Variants in TENM2 observed in about 807,000 individuals in gnomAD.
TENM2 encodes teneurin-2.
TENM2 carries 52 observed loss-of-function variants against 245.2 expected under a neutral mutation model. The observed-to-expected ratio is 0.21, with a 90% CI of 0.17 to 0.27. The LOEUF (loss-of-function observed/expected upper bound fraction) is 0.27. Among genes scored for constraint, TENM2 ranks in the 10% least tolerant of loss-of-function variants. The pLI is 1.00. For missense variants in TENM2, 3,046 were observed against 3,666.8 expected, an observed-to-expected ratio of 0.83 and a Z score of 4.37; for synonymous variants, 1,363 against 1,438.9, an observed-to-expected ratio of 0.95 and a Z score of 1.19.
chr5:167,220,402 C>T, the TENM2 span, among the ~76,000 whole-genome samples: 32,285 of 152,090 alleles, frequency 0.21, 4,101 homozygotes, highest in African/African-American at 0.36. Context: ...TTCCACAATA[C>T]AGTAGACGAT....
chr5:167,834,616 C>CT (rs1768800397), intron 2 of TENM2, among the ~76,000 whole-genome samples: 1 of 150,246 alleles, frequency 6.7e-6, no homozygotes, highest in African/African-American at 2.5e-5. Flanking sequence ...ACTGGGCCAT[C>CT]TCACAGTTGT....
At chr5:167,345,440 C>G (rs1208271646) in intron 1 of TENM2, among the ~76,000 whole-genome samples, 3 of 152,096 alleles carry the variant, frequency 2.0e-5, no homozygotes, top group African/African-American at 7.2e-5. Context: ...ATCTGGGGAA[C>G]ATGAACAGAC....
At chr5:167,101,569 C>G in the TENM2 span, among the ~76,000 whole-genome samples, 1 of 151,848 alleles carries the variant, frequency 6.6e-6, no homozygotes, top group Non-Finnish European at 1.5e-5. Context: ...CTCTTAATCA[C>G]TCATGTGTAA....
At chr5:167,049,547 G>C in the TENM2 span, among the ~76,000 whole-genome samples, 102 of 152,210 alleles carry the variant, frequency 6.7e-4, no homozygotes, top group African/African-American at 2.4e-3. Context: ...TTAACAAGCT[G>C]TTAAGTAAAA....
intron 2 of TENM2, among the ~76,000 whole-genome samples, chr5:167,561,110 A>G (rs545381071): frequency 1.3e-5 from 2 of 152,336 alleles, no homozygotes; most frequent in African/African-American, 4.8e-5. Flanking sequence ...ACCTTGGTAT[A>G]TTCATCCTCT....
At chr5:167,598,761 A>T (rs1394515872) in intron 2 of TENM2, among the ~76,000 whole-genome samples, 3 of 151,320 alleles carry the variant, frequency 2.0e-5, no homozygotes, top group African/African-American at 7.3e-5. Flanking sequence ...TTTTTTTTTT[A>T]ATGTCGGAGG....
chr5:167,500,977 A>G (rs1293864869), intron 2 of TENM2, among the ~76,000 whole-genome samples: 3 of 152,144 alleles, frequency 2.0e-5, no homozygotes, highest in Non-Finnish European at 4.4e-5. Context: ...TTTAAAGAAC[A>G]AATTTGAGAC....
intron 2 of TENM2, among the ~76,000 whole-genome samples, chr5:167,782,704 G>T (rs1661915536): frequency 6.6e-6 from 1 of 152,170 alleles, no homozygotes; most frequent in Non-Finnish European, 1.5e-5. Flanking sequence ...GAGACAAAAA[G>T]TCCCCTTAGC....
chr5:167,985,373 C>T (rs549729404), intron 4 of TENM2, among the ~76,000 whole-genome samples: 70 of 152,314 alleles, frequency 4.6e-4, no homozygotes, highest in Admixed American at 3.3e-3. Context: ...TCAATTTTCT[C>T]GGTAGAACAA....
At chr5:167,353,578 G>A (rs1759103654) in intron 1 of TENM2, among the ~76,000 whole-genome samples, 1 of 138,602 alleles carries the variant, frequency 7.2e-6, no homozygotes. Context: ...CGGGATCTCG[G>A]CTCACTGCAA....
chr5:168,188,298 G>A (rs931793095), intron 13 of TENM2, among the ~76,000 whole-genome samples: 5 of 152,214 alleles, frequency 3.3e-5, no homozygotes, highest in African/African-American at 2.4e-5. Flanking sequence ...GGGTTTGAGT[G>A]CGTGTTTCCA....
At chr5:167,459,114 A>G (rs1012403558) in intron 2 of TENM2, among the ~76,000 whole-genome samples, 5 of 152,172 alleles carry the variant, frequency 3.3e-5, no homozygotes, top group Non-Finnish European at 7.4e-5. Context: ...ATCTTGAAAA[A>G]CAAGCCCTTC....
intron 2 of TENM2, among the ~76,000 whole-genome samples, chr5:167,387,384 G>T (rs1289370386): frequency 1.3e-5 from 2 of 152,112 alleles, no homozygotes; most frequent in East Asian, 3.9e-4. Context: ...CGGAAAGTTT[G>T]TTGAATTCTT....
At chr5:167,764,311 G>A (rs962106721) in intron 2 of TENM2, among the ~76,000 whole-genome samples, 1 of 152,032 alleles carries the variant, frequency 6.6e-6, no homozygotes, top group Non-Finnish European at 1.5e-5. Context: ...AGTTAAGTAA[G>A]GTTCCTCATC....
At chr5:167,600,572 A>G (rs1051805916) in intron 2 of TENM2, among the ~76,000 whole-genome samples, 11 of 152,134 alleles carry the variant, frequency 7.2e-5, no homozygotes, top group Admixed American at 3.9e-4. Context: ...AAGTGATTAT[A>G]TGTGGTGTTC....
chr5:167,890,344 C>T (rs931616971), intron 3 of TENM2, among the ~76,000 whole-genome samples: 1 of 151,952 alleles, frequency 6.6e-6, no homozygotes, highest in Non-Finnish European at 1.5e-5. Flanking sequence ...AAGCTGTTGC[C>T]CCTTTCTGGA....
intron 1 of TENM2, among the ~76,000 whole-genome samples, chr5:167,304,842 G>T (rs1424224489): frequency 4.6e-5 from 7 of 152,148 alleles, no homozygotes; most frequent in Non-Finnish European, 1.0e-4. Flanking sequence ...CTTCAGAGCT[G>T]TCAGTTCAGA....
At chr5:167,872,593 T>A (rs1773079741) in intron 2 of TENM2, among the ~76,000 whole-genome samples, 1 of 151,232 alleles carries the variant, frequency 6.6e-6, no homozygotes, top group African/African-American at 2.4e-5. Context: ...AGTATACCAT[T>A]TGCTGGGGGC....
At chr5:167,848,349 G>A (rs1770243514) in intron 2 of TENM2, among the ~76,000 whole-genome samples, 1 of 152,024 alleles carries the variant, frequency 6.6e-6, no homozygotes, top group African/African-American at 2.4e-5. Flanking sequence ...GGCATGGTGG[G>A]GTTTGTGGTA....
Sources: allele counts gnomAD v4.1 joint callset (sites outside exome capture counted in the v4.1 genomes callset), GRCh38; gene constraint gnomAD v4.1.1; transcripts MANE v1.5; gene names NCBI Gene and HGNC (gene_info 2026-07-23, HGNC 2026-07-21).